The following OIP5 variants were observed in gnomAD, a reference collection of about 807,000 sequenced individuals.
OIP5 encodes Opa interacting protein 5.
OIP5 carries 24 observed loss-of-function variants against 20.3 expected under a neutral mutation model. The ratio of observed to expected loss-of-function variants is 1.18; its 90% confidence interval spans 0.86 to 1.66. The LOEUF is 1.66. Ranked by LOEUF, OIP5 falls within the 40% of genes most tolerant of loss-of-function variation. OIP5 has a pLI of 0.00. For synonymous variants in OIP5, 143 were observed against 121.3 expected, an observed-to-expected ratio of 1.18 and a Z score of -1.17; for missense variants, 339 against 289.5, an observed-to-expected ratio of 1.17 and a Z score of -1.24.
Position 41,318,458 on chromosome 15 carries a change from G to A in OIP5, c.512+1200C>T, listed in dbSNP as rs921580264. On this transcript the variant is annotated intron_variant, in intron 3 of 4. Transcript: ENST00000220514. Reference sequence around the variant, plus strand: ...ATTACAGGCGTGAGCCACTGCACCCGGCCCATAAGGGAGCAGTTTGAGATG... The same window carrying A: ...ATTACAGGCGTGAGCCACTGCACCCAGCCCATAAGGGAGCAGTTTGAGATG... 4.0e-5 allele frequency among the ~76,000 whole-genome samples: 6 copies of A among 151,688 alleles called. No individual in the cohort carries two copies. The South Asian group carries it at 6.3e-4, about 16-fold the overall frequency.
At chr15:41,321,536 G>A (rs1032586215) in intron 2 of OIP5, among the ~76,000 whole-genome samples, 1 of 152,216 alleles carries the variant, frequency 6.6e-6, no homozygotes, top group African/African-American at 2.4e-5. Context: ...TGTCTGTGTA[G>A]AAAGAAGTAG....
At chr15:41,327,326 C>T (rs959056442) in intron 2 of OIP5, among the ~76,000 whole-genome samples, 6 of 151,708 alleles carry the variant, frequency 4.0e-5, no homozygotes, top group Non-Finnish European at 8.8e-5. Context: ...GGATTACAGG[C>T]GCCCACCACC....
At chr15:41,321,076 C>G (rs188250270) in intron 2 of OIP5, among the ~76,000 whole-genome samples, 17 of 97,224 alleles carry the variant, frequency 1.7e-4, no homozygotes, top group Non-Finnish European at 3.5e-4. Context: ...AGTGAGGAGC[C>G]CCTCCGCCCG....
intron 2 of OIP5, among the ~76,000 whole-genome samples, chr15:41,322,294 C>T (rs543967748): frequency 8.1e-4 from 123 of 152,116 alleles, no homozygotes; most frequent in African/African-American, 2.8e-3. Flanking sequence ...AAATGTTTTA[C>T]AAGAAAAGCA....
In OIP5 at chr15:41,319,877, G is replaced by A. The variant is rs1285643927; in HGVS notation, c.390-97C>T. On this transcript the variant is annotated intron_variant, in intron 2 of 4. Transcript: ENST00000220514. ...TGAAGCATTCCTAACACCTAAGTCA[G>A]GGTGAAAATTACATTGTAATAGGAA... 2.9e-5 allele frequency: 28 copies of A among 970,004 alleles called. No homozygotes were observed. The East Asian group carries it at 8.1e-4, about 28-fold the overall frequency. The allele number at this position is 970,004 out of a possible 1,614,324, so 60.1% of individuals were successfully genotyped here.
rs943470605 is a variant in OIP5, at chr15:41,309,869, G to C, written c.595-20C>G. On this transcript the variant is annotated intron_variant, in intron 4 of 4. Transcript: ENST00000220514. Reference sequence around the variant, plus strand: ...TTTCAGCTAGGAAGAGAAATATATAGATATCAGGGCATCTTTTTTTATTTT... The same window carrying C: ...TTTCAGCTAGGAAGAGAAATATATACATATCAGGGCATCTTTTTTTATTTT... The C allele has an allele frequency of 6.6e-7, 1 of 1,513,274 alleles. No homozygotes were observed. 93.7% of individuals were successfully genotyped at this position (1,513,274 alleles called of 1,614,324 possible).
chr15:41,317,780 G>C (rs1485894474), intron 3 of OIP5, among the ~76,000 whole-genome samples: 1 of 152,134 alleles, frequency 6.6e-6, no homozygotes, highest in Non-Finnish European at 1.5e-5. Flanking sequence ...CTGGGCTGTA[G>C]CTATCCTCCC....
At chr15:41,331,056 C>T (rs187943419) in intron 2 of OIP5, among the ~76,000 whole-genome samples, 1 of 152,230 alleles carries the variant, frequency 6.6e-6, no homozygotes, top group East Asian at 1.9e-4. Context: ...TGAAGTTTGT[C>T]CAAGCTGCAG....
At chr15:41,329,333 T>C (rs983714184) in intron 2 of OIP5, among the ~76,000 whole-genome samples, 5 of 149,336 alleles carry the variant, frequency 3.3e-5, no homozygotes, top group African/African-American at 1.2e-4. Context: ...TTTTTTTTTT[T>C]CAGACGGAGT....
intron 4 of OIP5, among the ~76,000 whole-genome samples, chr15:41,311,521 C>T (rs1357884461): frequency 2.0e-5 from 3 of 152,162 alleles, no homozygotes; most frequent in Non-Finnish European, 4.4e-5. Context: ...TGGATCCTAT[C>T]CATGGAACTC....
chr15:41,321,633 T>C (rs973636457), intron 2 of OIP5, among the ~76,000 whole-genome samples: 5 of 152,076 alleles, frequency 3.3e-5, no homozygotes, highest in Non-Finnish European at 5.9e-5. Context: ...CCCCCAATCC[T>C]GTGCTCTCTG....
At position 41,309,632 on chromosome 15, in the gene OIP5, A is replaced by G. The variant is rs2047741248; in HGVS notation, c.*122T>C. ...TAATTTGGAAAATCAGCCTAAAGGT[A>G]AATAGAAACTGCATTTCCCCTCCAT... is the stretch of plus-strand genomic sequence containing the variant. On this transcript the variant is annotated 3_prime_UTR_variant, in exon 5 of 5. Transcript: ENST00000220514. 3 of 621,224 alleles carry G rather than the reference A, an allele frequency of 4.8e-6. No individual in the cohort carries two copies. The highest frequency in any genetic ancestry group is 5.6e-6 in the Non-Finnish European group (2 of 355,812). 38.5% of individuals were successfully genotyped at this position (621,224 alleles called of 1,614,324 possible).
At chr15:41,326,423 T>C (rs1016785963) in intron 2 of OIP5, among the ~76,000 whole-genome samples, 1 of 152,100 alleles carries the variant, frequency 6.6e-6, no homozygotes, top group African/African-American at 2.4e-5. Context: ...CTCCTTATTG[T>C]TTTTTGTTTG....
At chr15:41,312,690 C>T (rs1336806351) in intron 4 of OIP5, among the ~76,000 whole-genome samples, 4 of 146,366 alleles carry the variant, frequency 2.7e-5, no homozygotes, top group East Asian at 2.1e-4. Flanking sequence ...AATGCAGTGG[C>T]GCAATCTCAG....
chr15:41,316,333 C>A (rs1230474807), intron 3 of OIP5, among the ~76,000 whole-genome samples: 6 of 151,982 alleles, frequency 3.9e-5, no homozygotes, highest in African/African-American at 1.2e-4. Flanking sequence ...AATGATCAAT[C>A]CATCTCAGGA....
At chr15:41,326,646 G>A (rs549266807) in intron 2 of OIP5, among the ~76,000 whole-genome samples, 70 of 152,152 alleles carry the variant, frequency 4.6e-4, no homozygotes, top group Non-Finnish European at 8.1e-4. Context: ...GGCTGGTCTC[G>A]AACTCCTGAC....
At chr15:41,328,032 C>T (rs1018466815) in intron 2 of OIP5, among the ~76,000 whole-genome samples, 7 of 151,932 alleles carry the variant, frequency 4.6e-5, no homozygotes, top group South Asian at 2.1e-4. Flanking sequence ...GCCTGGGAGG[C>T]GGAGGTTGTT....
In OIP5 at chr15:41,329,611, G is replaced by T. The variant is rs887629795; in HGVS notation, c.389+2304C>A. On this transcript the variant is annotated intron_variant, in intron 2 of 4. Transcript: ENST00000220514. ...TTATAGGTGTAAGCCACTGCACCTG[G>T]CCTTCCTCCAGTTTTTTACAAAGCA... 2.0e-5 allele frequency among the ~76,000 whole-genome samples: 3 copies of T among 151,942 alleles called. 1 individual carries two copies. Among genetic ancestry groups the T allele is most frequent in the Non-Finnish European group, 4.4e-5 (3 of 67,984 alleles).
intron 2 of OIP5, among the ~76,000 whole-genome samples, chr15:41,322,258 G>GT (rs751551677): frequency 1.1e-4 from 17 of 152,088 alleles, no homozygotes; most frequent in Non-Finnish European, 2.5e-4. Flanking sequence ...AGGCAACATG[G>GT]TAATACCCCG....
Sources: allele counts gnomAD v4.1 joint callset (sites outside exome capture counted in the v4.1 genomes callset), GRCh38; gene constraint gnomAD v4.1.1; transcripts MANE v1.5; gene names NCBI Gene and HGNC (gene_info 2026-07-23, HGNC 2026-07-21).